TWF1: variants seen among roughly 807,000 people sequenced by gnomAD.
The protein encoded by TWF1 is twinfilin-1.
Under a neutral mutation model 47.9 loss-of-function variants are expected in TWF1, and 14 were observed. The ratio of observed to expected loss-of-function variants is 0.29; its 90% CI spans 0.19 to 0.46. The LOEUF is 0.46. Ranked by LOEUF, TWF1 falls within the 20% of genes least tolerant of loss-of-function variation. The pLI is 1.00. For synonymous variants in TWF1, 96 were observed against 139.2 expected, an observed-to-expected ratio of 0.69 and a Z score of 2.18; for missense variants, 281 against 409.3, an observed-to-expected ratio of 0.69 and a Z score of 2.70.
chr12:43,803,811 G>A (rs1306661771), intron 2 of TWF1, among the ~76,000 whole-genome samples: 2 of 152,002 alleles, frequency 1.3e-5, no homozygotes, highest in African/African-American at 2.4e-5. Flanking sequence ...GTTTGTGAAA[G>A]AACAAGTTAC....
intron 2 of TWF1, chr12:43,804,183 G>C (rs1219930623): frequency 2.3e-6 from 1 of 435,504 alleles, no homozygotes; most frequent in Admixed American, 2.6e-5. Context: ...CACCTGTTTA[G>C]TGATTTCCAT....
Position 43,800,507 on chromosome 12 carries a change from T to C in TWF1, c.306A>G (p.Ala102=), listed in dbSNP as rs142853665. The part of the protein sequence containing the change: ...HSHVRQKMLY[A]ATRATLKKEF... ...CCTTCTTCAGAGTTGCTCTTGTTGC[T>C]GCATACAACATTTTTTGACGAACCT... The change falls in exon 4 of 9, where the codon GCA becomes GCG. Residue 102 remains alanine (A), a synonymous_variant. Transcript: ENST00000395510. 86 of 1,613,680 alleles carry C rather than the reference T, an allele frequency of 5.3e-5. No individual in the cohort carries two copies. The highest frequency in any genetic ancestry group is 6.9e-5 in the Non-Finnish European group (81 of 1,179,896).
At chr12:43,806,145 C>A (rs1264321427) in intron 1 of TWF1, 76 bp downstream of exon 1, 2 of 1,531,320 alleles carry the variant, frequency 1.3e-6, no homozygotes, top group Non-Finnish European at 8.7e-7. Context: ...TCCAGCCCTG[C>A]CGGTCCTGCA....
At chr12:43,806,028 G>C (rs760228894) in intron 1 of TWF1, 193 bp downstream of exon 1, 81 of 1,521,106 alleles carry the variant, frequency 5.3e-5, no homozygotes, top group Non-Finnish European at 6.5e-5. Context: ...AGCAGGGACC[G>C]GGCTGGAGGA....
chr12:43,806,056 G>C (rs980820117), intron 1 of TWF1, 165 bp downstream of exon 1: 1 of 1,518,394 alleles, frequency 6.6e-7, no homozygotes, highest in Non-Finnish European at 8.8e-7. Context: ...GGCCGGCAGC[G>C]CCCGGGAAGC....
chr12:43,797,984 G>A (rs1592277247), intron 5 of TWF1, 151 bp from the exon 6 acceptor site: 1 of 773,174 alleles, frequency 1.3e-6, no homozygotes, highest in East Asian at 2.8e-5. Context: ...GGTCCTGCTA[G>A]CATTTTGTCA....
At chr12:43,801,821 C>T (rs758679777) in intron 3 of TWF1, among the ~76,000 whole-genome samples, 83 of 152,092 alleles carry the variant, frequency 5.5e-4, no homozygotes, top group Non-Finnish European at 5.1e-4. Flanking sequence ...CTTAAGGCCA[C>T]GAGTTTGAGA....
intron 5 of TWF1, among the ~76,000 whole-genome samples, chr12:43,798,379 GA>G (rs1160996355): frequency 2.6e-5 from 4 of 152,018 alleles, no homozygotes; most frequent in African/African-American, 9.7e-5. Context: ...AGAAAGATAA[GA>G]AAGCATTCAA....
At chr12:43,798,521 A>G (rs1942597938) in intron 5 of TWF1, 2 of 1,484,960 alleles carry the variant, frequency 1.3e-6, no homozygotes, top group East Asian at 5.0e-5. Context: ...AGCATAAATG[A>G]TATTGGTTAA....
At chr12:43,805,489 G>C (rs1172218339) in intron 1 of TWF1, 3 of 454,670 alleles carry the variant, frequency 6.6e-6, no homozygotes, top group Non-Finnish European at 1.3e-5. Context: ...GAGTAACCCG[G>C]GGATATATTA....
chr12:43,795,309 A>C lies in TWF1; in HGVS notation c.*276T>G, dbSNP rs1942529604. ...TTCTAGAACTGGCCCAACTGTATAA[A>C]ATTTTAAGAAGTATTTGAAGTGTGG... On this transcript the variant is annotated 3_prime_UTR_variant, in exon 9 of 9. Transcript: ENST00000395510. 3.3e-6 allele frequency: 1 copy of C among 302,650 alleles called. No homozygotes were observed. Among genetic ancestry groups the C allele is most frequent in the East Asian group, 6.2e-5 (1 of 16,100 alleles). 18.7% of individuals were successfully genotyped at this position (302,650 alleles called of 1,614,324 possible). A position where few individuals can be genotyped will look rare whatever the true frequency, so the allele number is the denominator to read the frequency against.
At chr12:43,799,136 G>A (rs967048749) in intron 5 of TWF1, among the ~76,000 whole-genome samples, 2 of 151,978 alleles carry the variant, frequency 1.3e-5, no homozygotes, top group South Asian at 2.1e-4. Flanking sequence ...CACAACAGTT[G>A]TACTTCAAAA....
At chr12:43,798,186 A>G (rs1010339997) in intron 5 of TWF1, among the ~76,000 whole-genome samples, 4 of 152,280 alleles carry the variant, frequency 2.6e-5, no homozygotes, top group East Asian at 3.9e-4. Flanking sequence ...TCTACATACA[A>G]TATGTATAGA....
intron 5 of TWF1, 147 bp from the exon 6 acceptor site, chr12:43,797,980 G>A: frequency 1.2e-6 from 1 of 803,200 alleles, no homozygotes; most frequent in East Asian, 2.7e-5. Context: ...TTACGGTCCT[G>A]CTAGCATTTT....
chr12:43,802,302 G>A lies in TWF1; in HGVS notation c.266C>T (p.Ser89Phe). 1 of 1,552,780 alleles carries A rather than the reference G, an allele frequency of 6.4e-7. No individual in the cohort carries two copies. The highest frequency in any genetic ancestry group is 8.7e-7 in the Non-Finnish European group (1 of 1,155,242). The change falls in exon 3 of 9, where the codon TCT becomes TTT. Residue 89 changes from serine (S) to phenylalanine (F), a missense_variant. By Grantham distance (155) the Ser-to-Phe change is radical. Transcript: ENST00000395510. ...GTTACTTACATGAGAATGATCTGGA[G>A]ACCATGCAATGAATATCCATTCATA... ...QGYEWIFIAW[S>F]PDHSHVRQKM...
chr12:43,803,239 C>T (rs1462287575), intron 2 of TWF1, among the ~76,000 whole-genome samples: 1 of 152,140 alleles, frequency 6.6e-6, no homozygotes, highest in African/African-American at 2.4e-5. Flanking sequence ...AAGATGGTAT[C>T]ATGCAGTTTA....
intron 2 of TWF1, among the ~76,000 whole-genome samples, chr12:43,803,439 A>C (rs1337452499): frequency 6.6e-6 from 1 of 152,156 alleles, no homozygotes; most frequent in East Asian, 1.9e-4. Context: ...ATAAAATGTT[A>C]GCAGTTATTA....
chr12:43,803,346 G>T (rs575686996), intron 2 of TWF1, among the ~76,000 whole-genome samples: 1 of 152,126 alleles, frequency 6.6e-6, no homozygotes, highest in African/African-American at 2.4e-5. Flanking sequence ...CCAGGGTAAG[G>T]AGGTCAGAAG....
intron 8 of TWF1, among the ~76,000 whole-genome samples, chr12:43,796,219 G>T (rs1942548036): frequency 6.6e-6 from 1 of 152,086 alleles, no homozygotes; most frequent in Admixed American, 6.6e-5. Context: ...GATTATATGT[G>T]GCTTGGCAAA....
Sources: gnomAD v4.1 joint callset for allele counts (sites outside exome capture counted in the v4.1 genomes callset) on GRCh38, gnomAD v4.1.1 for gene constraint, MANE v1.5 for transcripts, NCBI Gene and HGNC (gene_info 2026-07-23, HGNC 2026-07-21) for gene names.